Variants in EYS observed in about 807,000 individuals in gnomAD.
The protein encoded by EYS is protein eyes shut homolog.
Under a neutral mutation model 282.1 loss-of-function variants are expected in EYS, and 250 were observed. That is an observed-to-expected ratio of 0.89 (90% CI 0.80 to 0.98). The LOEUF (loss-of-function observed/expected upper bound fraction) is 0.98, where lower values mean the gene tolerates loss of function less well. Ranked by LOEUF, EYS falls within the 50% of genes least tolerant of loss-of-function variation. The probability of loss-of-function intolerance (pLI) is 0.00; values close to 1 mark genes in which losing one functional copy is unlikely to be tolerated. For synonymous variants in EYS, 1,355 were observed against 1,282.9 expected (o/e 1.06, Z -1.20); for missense variants, 4,016 against 3,709.0 (o/e 1.08, Z -2.15).
Position 65,058,622 on chromosome 6 carries a change from G to A in EYS, c.2024-895C>T, listed in dbSNP as rs772220499. Among the ~76,000 whole-genome samples, 63 of 150,778 alleles carry A rather than the reference G, an allele frequency of 4.2e-4. 4 individuals are homozygous for A. The highest frequency in any genetic ancestry group is 5.5e-4 in the Non-Finnish European group (37 of 67,374). On this transcript the variant is annotated intron_variant, in intron 12 of 42. Coordinates refer to ENST00000503581, the MANE Select transcript of EYS (RefSeq NM_001142800.2). ...TTTACAACGTAAGCCTATATGGAAA[G>A]AAAACAAATAAATGTCCATTAACTA...
chr6:64,250,070 G>A (rs1281435432), intron 30 of EYS, among the ~76,000 whole-genome samples: 1 of 152,176 alleles, frequency 6.6e-6, no homozygotes, highest in Non-Finnish European at 1.5e-5. Flanking sequence ...TGAAATGGAA[G>A]ATACAAATTT....
intron 12 of EYS, among the ~76,000 whole-genome samples, chr6:65,223,669 T>C (rs537360519): frequency 6.7e-4 from 102 of 152,264 alleles, no homozygotes; most frequent in Middle Eastern, 3.4e-3. Flanking sequence ...CAGCACCTTA[T>C]ATCACATTTG....
At chr6:64,318,086 G>T (rs868320184) in intron 29 of EYS, among the ~76,000 whole-genome samples, 18 of 151,932 alleles carry the variant, frequency 1.2e-4, no homozygotes, top group African/African-American at 3.6e-4. Context: ...TTGATGGCGG[G>T]TTGATGGGTG....
At chr6:63,915,658 T>C (rs434486) in intron 35 of EYS, among the ~76,000 whole-genome samples, 107,769 of 152,094 alleles carry the variant, frequency 0.71, 38,313 homozygotes, top group Non-Finnish European at 0.73. Flanking sequence ...CCATTAAGAA[T>C]ACCTATGATT....
chr6:64,357,047 A>G (rs112439602), intron 29 of EYS, among the ~76,000 whole-genome samples: 84 of 151,780 alleles, frequency 5.5e-4, no homozygotes, highest in Middle Eastern at 3.4e-3. Context: ...GTCAACATCT[A>G]TTTCTGCAGA....
intron 12 of EYS, among the ~76,000 whole-genome samples, chr6:65,183,845 T>G (rs1765451635): frequency 6.6e-6 from 1 of 151,564 alleles, no homozygotes; most frequent in Admixed American, 6.6e-5. Context: ...AATCAATGAG[T>G]GAAATAAAAT....
chr6:64,661,283 C>T (rs1769006829), intron 22 of EYS, among the ~76,000 whole-genome samples: 1 of 152,040 alleles, frequency 6.6e-6, no homozygotes, highest in Non-Finnish European at 1.5e-5. Context: ...CCATAAAAAC[C>T]CTAGAAGAAA....
chr6:65,265,226 G>A (rs892024852), intron 12 of EYS, among the ~76,000 whole-genome samples: 5 of 152,012 alleles, frequency 3.3e-5, no homozygotes, highest in Middle Eastern at 3.4e-3. Context: ...ACCTACACAC[G>A]TACCCTCAGG....
chr6:64,307,681 G>C (rs1052444781), intron 29 of EYS, among the ~76,000 whole-genome samples: 9 of 151,976 alleles, frequency 5.9e-5, no homozygotes, highest in Non-Finnish European at 1.3e-4. Flanking sequence ...CATTGTATTT[G>C]GGACTTTTGG....
chr6:63,844,298 T>A (rs143457543), intron 36 of EYS, among the ~76,000 whole-genome samples: 2 of 152,330 alleles, frequency 1.3e-5, no homozygotes, highest in East Asian at 1.9e-4. Flanking sequence ...CTATTGTGAA[T>A]AGTGCTGCAA....
At chr6:64,418,202 G>A (rs1774120664) in intron 28 of EYS, among the ~76,000 whole-genome samples, 2 of 151,892 alleles carry the variant, frequency 1.3e-5, no homozygotes, top group Admixed American at 1.3e-4. Flanking sequence ...TCATACTGTA[G>A]CTATCTACGT....
intron 19 of EYS, among the ~76,000 whole-genome samples, chr6:64,838,085 A>G (rs1583210154): frequency 6.6e-6 from 1 of 151,912 alleles, no homozygotes; most frequent in East Asian, 1.9e-4. Context: ...TCTTACAGTA[A>G]TGTTACTATT....
chr6:64,049,976 C>A (rs775529987), intron 33 of EYS, among the ~76,000 whole-genome samples: 6 of 152,050 alleles, frequency 3.9e-5, no homozygotes, highest in Non-Finnish European at 8.8e-5. Flanking sequence ...CCCAGGCAGA[C>A]GATGAATTTG....
At chr6:64,953,934 A>C (rs9453126) in intron 14 of EYS, among the ~76,000 whole-genome samples, 345 of 152,078 alleles carry the variant, frequency 2.3e-3, no homozygotes, top group African/African-American at 7.9e-3. Flanking sequence ...GATTTTGAAA[A>C]CATTTTCTAA....
chr6:64,307,141 T>C, intron 29 of EYS, 59 bp from the exon 30 acceptor site: 1 of 904,896 alleles, frequency 1.1e-6, no homozygotes. Context: ...CTTGAATATA[T>C]TATTCTTGCT....
chr6:63,929,108 C>CATGT (rs745311731), intron 35 of EYS, among the ~76,000 whole-genome samples: 3 of 152,134 alleles, frequency 2.0e-5, no homozygotes, highest in Non-Finnish European at 4.4e-5. Context: ...GATCCATGAG[C>CATGT]ATGTCATCAA....
intron 31 of EYS, among the ~76,000 whole-genome samples, chr6:64,150,338 C>T (rs1453332037): frequency 6.6e-6 from 1 of 152,168 alleles, no homozygotes; most frequent in Non-Finnish European, 1.5e-5. Context: ...AGATGGGGAT[C>T]CTTATGAATT....
intron 12 of EYS, among the ~76,000 whole-genome samples, chr6:65,238,105 T>G (rs1766971161): frequency 6.6e-6 from 1 of 151,858 alleles, no homozygotes; most frequent in African/African-American, 2.4e-5. Flanking sequence ...TTTCAGAACT[T>G]TAAAGTCTAA....
At position 64,056,460 on chromosome 6, in the gene EYS, T is replaced by C. The variant is rs542070138; in HGVS notation, c.6725+9878A>G. On this transcript the variant is annotated intron_variant, in intron 33 of 42. Transcript: ENST00000503581. ...TTCTGAGAATACATTCCTATTACAT[T>C]CCTACATTTCCTATTCTAAGAATTC... Among the ~76,000 whole-genome samples the C allele has an allele frequency of 1.7e-4, 26 of 152,304 alleles. No homozygotes were observed. In the South Asian group the frequency reaches 5.4e-3, roughly 32 times the overall value.
Sources: gnomAD v4.1 joint callset for allele counts (sites outside exome capture counted in the v4.1 genomes callset) on GRCh38, gnomAD v4.1.1 for gene constraint, MANE v1.5 for transcripts, NCBI Gene and HGNC (gene_info 2026-07-23, HGNC 2026-07-21) for gene names.